CHRM3: variants seen among roughly 807,000 people sequenced by gnomAD.
CHRM3 encodes the protein muscarinic acetylcholine receptor M3.
In CHRM3, 11 loss-of-function variants were observed where a neutral mutation model predicts 41.8. The ratio of observed to expected loss-of-function variants is 0.26; its 90% CI spans 0.17 to 0.44. The LOEUF is 0.44. CHRM3 is among the 20% of genes least tolerant of loss of function. The pLI is 1.00. For missense variants in CHRM3, 571 were observed against 745.4 expected, an observed-to-expected ratio of 0.77 and a Z score of 2.72; for synonymous variants, 297 against 301.4, an observed-to-expected ratio of 0.99 and a Z score of 0.15.
intron 5 of CHRM3, among the ~76,000 whole-genome samples, chr1:239,796,002 A>G: frequency 6.6e-6 from 1 of 152,196 alleles, no homozygotes; most frequent in Admixed American, 6.5e-5. Context: ...CTTGGGGAAC[A>G]CTTTTCTTGG....
At chr1:239,523,734 C>T (rs1177938330) in intron 2 of CHRM3, among the ~76,000 whole-genome samples, 2 of 152,038 alleles carry the variant, frequency 1.3e-5, no homozygotes. Flanking sequence ...TTGGAACATA[C>T]GTGTCAGGAG....
intron 5 of CHRM3, among the ~76,000 whole-genome samples, chr1:239,759,046 CAG>C (rs1361025255): frequency 1.3e-5 from 2 of 151,780 alleles, no homozygotes; most frequent in Admixed American, 6.6e-5. Flanking sequence ...GATATTTCCA[CAG>C]TGTTGGAAGT....
At chr1:239,589,231 G>T (rs1558345176) in intron 3 of CHRM3, among the ~76,000 whole-genome samples, 2 of 152,102 alleles carry the variant, frequency 1.3e-5, no homozygotes, top group Non-Finnish European at 2.9e-5. Context: ...ACTGTGCCCA[G>T]TCTGAAACAT....
intron 6 of CHRM3, among the ~76,000 whole-genome samples, chr1:239,892,591 C>T (rs1324192686): frequency 2.6e-5 from 4 of 152,128 alleles, no homozygotes; most frequent in Admixed American, 6.5e-5. Flanking sequence ...GCTCCTTTGA[C>T]ACTGGTAAAA....
At chr1:239,904,765 A>G (rs184509024) in intron 6 of CHRM3, among the ~76,000 whole-genome samples, 1 of 152,374 alleles carries the variant, frequency 6.6e-6, no homozygotes, top group Admixed American at 6.5e-5. Context: ...CAGCTATGGG[A>G]AAATAATATT....
At chr1:239,722,764 A>G (rs1663091728) in intron 5 of CHRM3, among the ~76,000 whole-genome samples, 2 of 151,932 alleles carry the variant, frequency 1.3e-5, no homozygotes, top group Admixed American at 1.3e-4. Flanking sequence ...GGCCTGGACA[A>G]GCTATGCATT....
chr1:239,862,227 C>A (rs1656908234), intron 6 of CHRM3, among the ~76,000 whole-genome samples: 1 of 152,174 alleles, frequency 6.6e-6, no homozygotes, highest in South Asian at 2.1e-4. Flanking sequence ...ATTACACAGA[C>A]TTGTAGAAAA....
At chr1:239,885,454 G>A (rs755918989) in intron 6 of CHRM3, among the ~76,000 whole-genome samples, 15 of 152,098 alleles carry the variant, frequency 9.9e-5, no homozygotes, top group Non-Finnish European at 1.8e-4. Flanking sequence ...AAATTGATGA[G>A]TCAAGTATAT....
rs193073683 is a variant in CHRM3 at position 239,884,068 on chromosome 1, G to A, written c.-19-23365G>A. On this transcript the variant is annotated intron_variant, in intron 6 of 6. Transcript: ENST00000676153. ...CTCAAGAGAATAGCCAAACTTGCATGTTTTATGTTATGCTGACTATAGTGG... is the reference window on the plus strand; with the variant it reads ...CTCAAGAGAATAGCCAAACTTGCATATTTTATGTTATGCTGACTATAGTGG... Among the ~76,000 whole-genome samples the A allele has an allele frequency of 2.6e-5, 4 of 152,302 alleles. No individual in the cohort carries two copies. The East Asian group carries it at 7.7e-4, about 29-fold the overall frequency.
intron 5 of CHRM3, among the ~76,000 whole-genome samples, chr1:239,708,158 C>T (rs1394413380): frequency 1.3e-5 from 2 of 152,180 alleles, no homozygotes; most frequent in Non-Finnish European, 2.9e-5. Flanking sequence ...TGTATGTGAT[C>T]TTCCCCTGCC....
At chr1:239,902,007 A>G (rs1679616245) in intron 6 of CHRM3, among the ~76,000 whole-genome samples, 2 of 152,098 alleles carry the variant, frequency 1.3e-5, no homozygotes, top group African/African-American at 2.4e-5. Flanking sequence ...TTATTTTCCT[A>G]GTGTGTAGGT....
At chr1:239,452,905 A>C (rs1183792042) in intron 1 of CHRM3, among the ~76,000 whole-genome samples, 1 of 152,010 alleles carries the variant, frequency 6.6e-6, no homozygotes, top group Non-Finnish European at 1.5e-5. Flanking sequence ...GGTTCACGCC[A>C]TTCTCCTGCC....
At chr1:239,414,638 TG>T (rs1460427265) in intron 1 of CHRM3, among the ~76,000 whole-genome samples, 1 of 152,244 alleles carries the variant, frequency 6.6e-6, no homozygotes, top group African/African-American at 2.4e-5. Flanking sequence ...TTTCATATAC[TG>T]CCTTCCATTA....
intron 2 of CHRM3, among the ~76,000 whole-genome samples, chr1:239,535,447 T>G (rs1432655346): frequency 6.7e-6 from 1 of 150,014 alleles, no homozygotes; most frequent in Non-Finnish European, 1.5e-5. Context: ...CAAGTCTTAC[T>G]TAAGATGCCT....
chr1:239,575,577 C>G (rs575357202), intron 3 of CHRM3, among the ~76,000 whole-genome samples: 1 of 152,000 alleles, frequency 6.6e-6, no homozygotes, highest in Non-Finnish European at 1.5e-5. Context: ...TGCTAAAATA[C>G]GACTCCATTC....
intron 3 of CHRM3, among the ~76,000 whole-genome samples, chr1:239,581,733 T>C (rs978106247): frequency 5.3e-5 from 8 of 152,186 alleles, no homozygotes; most frequent in African/African-American, 1.9e-4. Flanking sequence ...TTATAAATGA[T>C]GAATATGAGT....
In CHRM3 at chr1:239,662,105, ATGTGTG is replaced by A. The variant is rs57202092; in HGVS notation, c.-249-16047_-249-16042del. ...AAGGAAATATCTGTTTCAGTTTTAG[ATGTGTG>A]TGTGTGTGTGTGTGTGTGTGTGTGT... On this transcript the variant is annotated intron_variant, in intron 4 of 6. Coordinates refer to ENST00000676153, the MANE Select transcript of CHRM3 (RefSeq NM_001375978.1). Among the ~76,000 whole-genome samples, 1,095 of 144,820 alleles carry A rather than the reference ATGTGTG, an allele frequency of 7.6e-3. 11 individuals are homozygous for A. The highest frequency in any genetic ancestry group is 0.018 in the African/African-American group (716 of 39,366).
intron 1 of CHRM3, among the ~76,000 whole-genome samples, chr1:239,424,869 C>A (rs1271242979): frequency 1.3e-5 from 2 of 152,274 alleles, no homozygotes; most frequent in East Asian, 1.9e-4. Flanking sequence ...TAAGAATAAT[C>A]CAAACCATTG....
intron 1 of CHRM3, among the ~76,000 whole-genome samples, chr1:239,491,007 TG>T (rs763275740): frequency 2.0e-5 from 3 of 152,182 alleles, no homozygotes; most frequent in Non-Finnish European, 4.4e-5. Context: ...CCCAAGGTGC[TG>T]GGATTACAGG....
Sources: gnomAD v4.1 joint callset for allele counts (sites outside exome capture counted in the v4.1 genomes callset) on GRCh38, gnomAD v4.1.1 for gene constraint, MANE v1.5 for transcripts, NCBI Gene and HGNC (gene_info 2026-07-23, HGNC 2026-07-21) for gene names.